The following CSMD3 variants were observed in gnomAD, a reference collection of about 807,000 sequenced individuals.
CSMD3 encodes CUB and Sushi multiple domains 3, also known as CUB and sushi domain-containing protein 3.
CSMD3 carries 177 observed loss-of-function variants against 435.2 expected under a neutral mutation model. That is an observed-to-expected ratio of 0.41 (90% CI 0.36 to 0.46). The LOEUF is 0.46. Among genes scored for constraint, CSMD3 ranks in the 20% least tolerant of loss-of-function variants. CSMD3 has a pLI of 0.34. For synonymous variants in CSMD3, 1,656 were observed against 1,520.5 expected (o/e 1.09, Z -2.07); for missense variants, 4,265 against 4,504.6 (o/e 0.95, Z 1.52).
chr8:112,911,617 TTGTG>T (rs926291014), intron 10 of CSMD3, among the ~76,000 whole-genome samples: 1 of 122,892 alleles, frequency 8.1e-6, no homozygotes, highest in African/African-American at 3.2e-5. Flanking sequence ...TTGTATTCCA[TTGTG>T]TGTGTGTGTG....
At chr8:113,106,675 T>C (rs1476498331) in intron 4 of CSMD3, among the ~76,000 whole-genome samples, 2 of 152,344 alleles carry the variant, frequency 1.3e-5, no homozygotes, top group East Asian at 3.9e-4. Context: ...GAAATTCATG[T>C]TCCACTTCCA....
intron 13 of CSMD3, among the ~76,000 whole-genome samples, chr8:112,725,495 C>T (rs2076944906): frequency 1.3e-5 from 2 of 151,750 alleles, no homozygotes; most frequent in Non-Finnish European, 2.9e-5. Flanking sequence ...TAAATTGTCC[C>T]ATAGTAGTTC....
At chr8:113,125,617 A>G (rs2091103370) in intron 4 of CSMD3, among the ~76,000 whole-genome samples, 1 of 151,960 alleles carries the variant, frequency 6.6e-6, no homozygotes, top group African/African-American at 2.4e-5. Context: ...AGAAATAAAT[A>G]CAGTAGTAAA....
At chr8:112,853,580 T>C (rs543061166) in intron 11 of CSMD3, among the ~76,000 whole-genome samples, 38 of 152,354 alleles carry the variant, frequency 2.5e-4, no homozygotes, top group African/African-American at 6.3e-4. Flanking sequence ...TTCTTTGAGA[T>C]CTTTCAGTCT....
intron 1 of CSMD3, among the ~76,000 whole-genome samples, chr8:113,418,980 A>G (rs929719876): frequency 2.6e-5 from 4 of 152,178 alleles, no homozygotes; most frequent in African/African-American, 9.7e-5. Flanking sequence ...TAGCTTCTGC[A>G]CCTGCAAGAG....
At chr8:112,298,094 G>C (rs1420162183) in intron 53 of CSMD3, among the ~76,000 whole-genome samples, 1 of 95,572 alleles carries the variant, frequency 1.0e-5, no homozygotes, top group African/African-American at 3.4e-5. Context: ...AAAAAAATAA[G>C]TAAAGACCCA....
At chr8:113,115,080 A>C (rs1346658090) in intron 4 of CSMD3, among the ~76,000 whole-genome samples, 2 of 152,210 alleles carry the variant, frequency 1.3e-5, no homozygotes, top group Non-Finnish European at 2.9e-5. Context: ...CGTTTTAACA[A>C]GCCTTCCAGG....
At chr8:112,761,240 A>C (rs2077830412) in intron 13 of CSMD3, among the ~76,000 whole-genome samples, 1 of 152,172 alleles carries the variant, frequency 6.6e-6, no homozygotes, top group South Asian at 2.1e-4. Context: ...TAATATCTCT[A>C]TCATTTAAAA....
intron 5 of CSMD3, among the ~76,000 whole-genome samples, chr8:113,041,248 G>A (rs1467384851): frequency 2.7e-5 from 4 of 150,404 alleles, no homozygotes; most frequent in African/African-American, 9.8e-5. Context: ...GAAGTTTTGA[G>A]AAATTTTCTC....
At chr8:112,258,773 C>T (rs1301660256) in intron 61 of CSMD3, among the ~76,000 whole-genome samples, 1 of 152,190 alleles carries the variant, frequency 6.6e-6, no homozygotes, top group Non-Finnish European at 1.5e-5. Context: ...GGCACAGTGG[C>T]TCACGCCTGT....
intron 22 of CSMD3, among the ~76,000 whole-genome samples, chr8:112,633,914 T>C (rs568736774): frequency 6.6e-6 from 1 of 152,154 alleles, no homozygotes; most frequent in Non-Finnish European, 1.5e-5. Flanking sequence ...TGGGAGTGTA[T>C]CCATCATTTG....
chr8:112,297,067 A>G (rs1186178161), intron 53 of CSMD3, among the ~76,000 whole-genome samples: 1 of 151,368 alleles, frequency 6.6e-6, no homozygotes, highest in African/African-American at 2.4e-5. Flanking sequence ...AATAGTTTTT[A>G]TCTATTAAAA....
At chr8:112,988,938 G>A (rs1409595181) in intron 6 of CSMD3, among the ~76,000 whole-genome samples, 1 of 151,970 alleles carries the variant, frequency 6.6e-6, no homozygotes, top group Non-Finnish European at 1.5e-5. Flanking sequence ...ATACAGCTGC[G>A]GGTAAATAAG....
At chr8:113,011,241 A>T (rs892218726) in intron 6 of CSMD3, among the ~76,000 whole-genome samples, 1 of 151,822 alleles carries the variant, frequency 6.6e-6, no homozygotes, top group Non-Finnish European at 1.5e-5. Flanking sequence ...CTGTACCCCA[A>T]TTCTAAACAC....
chr8:113,167,310 A>C (rs2092171404), intron 4 of CSMD3, among the ~76,000 whole-genome samples: 1 of 152,164 alleles, frequency 6.6e-6, no homozygotes, highest in South Asian at 2.1e-4. Flanking sequence ...TCTATGTGTT[A>C]AGCATTAAAT....
chr8:113,195,814 T>TATATATACAC lies in CSMD3; in HGVS notation c.515-21899_515-21898insGTGTATATAT, dbSNP rs1344054794. Among the ~76,000 whole-genome samples, 1,069 of 133,308 alleles carry TATATATACAC rather than the reference T, an allele frequency of 8.0e-3. 18 individuals are homozygous for TATATATACAC. The highest frequency in any genetic ancestry group is 0.029 in the African/African-American group (1,006 of 34,124). The allele number at this position is 133,308 out of a possible 152,430, so 87.5% of individuals were successfully genotyped here. A position where few individuals can be genotyped will look rare whatever the true frequency, so the allele number is the denominator to read the frequency against. On this transcript the variant is annotated intron_variant, in intron 3 of 70. Coordinates refer to ENST00000297405, the MANE Select transcript of CSMD3 (RefSeq NM_198123.2). ...TTTTATATATATATATATATATATA[T>TATATATACAC]ACACACACACACACACACACACACA...
chr8:112,246,256 G>C (rs907320968), intron 64 of CSMD3, among the ~76,000 whole-genome samples: 5 of 152,198 alleles, frequency 3.3e-5, no homozygotes, highest in Non-Finnish European at 5.9e-5. Flanking sequence ...CAGGGATAGA[G>C]TAAATTCACA....
At chr8:113,136,390 T>C (rs767809747) in intron 4 of CSMD3, among the ~76,000 whole-genome samples, 32 of 151,882 alleles carry the variant, frequency 2.1e-4, no homozygotes, top group South Asian at 4.1e-4. Flanking sequence ...ATGGCTACCA[T>C]ATTAGGCAGT....
chr8:112,686,204 G>A (rs1283594427), intron 14 of CSMD3, among the ~76,000 whole-genome samples: 2 of 152,102 alleles, frequency 1.3e-5, no homozygotes, highest in Non-Finnish European at 2.9e-5. Context: ...GGCAATGGAT[G>A]CTCTGATAGT....
Sources: allele counts gnomAD v4.1 joint callset (sites outside exome capture counted in the v4.1 genomes callset), GRCh38; gene constraint gnomAD v4.1.1; transcripts MANE v1.5; gene names NCBI Gene and HGNC (gene_info 2026-07-23, HGNC 2026-07-21).